CLSTN2: variants seen among roughly 807,000 people sequenced by gnomAD.
CLSTN2 encodes the protein calsyntenin-2.
CLSTN2 carries 48 observed loss-of-function variants against 101.2 expected under a neutral mutation model. The ratio of observed to expected loss-of-function variants is 0.47; its 90% confidence interval spans 0.38 to 0.60. The LOEUF (loss-of-function observed/expected upper bound fraction) is 0.60. Among genes scored for constraint, CLSTN2 ranks in the 20% least tolerant of loss-of-function variants. CLSTN2 has a pLI of 0.00. For missense variants in CLSTN2, 1,160 were observed against 1,238.2 expected (o/e 0.94, Z 0.95); for synonymous variants, 481 against 463.6 (o/e 1.04, Z -0.48).
intron 2 of CLSTN2, among the ~76,000 whole-genome samples, chr3:140,278,346 AG>A (rs2086813798): frequency 8.0e-5 from 2 of 25,108 alleles, no homozygotes; most frequent in Non-Finnish European, 2.4e-4. Context: ...ATTTTTCTCC[AG>A]GGCTCAACAC....
rs1239898447 is a variant in CLSTN2, at chr3:140,558,866, G to A, written c.2041+9G>A. On this transcript the variant is annotated intron_variant, in intron 12 of 16. Coordinates refer to ENST00000458420, the MANE Select transcript of CLSTN2 (RefSeq NM_022131.3). ...GGACGTGAAAACCACAGGTACAGGTGCATTTGAGTTTGTGGGGAGGGTGGA... is the reference window on the plus strand; with the variant it reads ...GGACGTGAAAACCACAGGTACAGGTACATTTGAGTTTGTGGGGAGGGTGGA... 3.1e-6 allele frequency: 5 copies of A among 1,611,092 alleles called. No homozygotes were observed. In the African/African-American group the frequency reaches 5.3e-5, roughly 17 times the overall value.
intron 2 of CLSTN2, 22 bp from the exon 3 acceptor site, chr3:140,403,607 A>G (rs1014331442): frequency 6.3e-7 from 1 of 1,580,512 alleles, no homozygotes; most frequent in Non-Finnish European, 8.6e-7. Flanking sequence ...ATTCCCACTC[A>G]CTGTTTTCCA....
intron 8 of CLSTN2, among the ~76,000 whole-genome samples, chr3:140,518,720 C>T (rs1429285393): frequency 6.6e-6 from 1 of 152,180 alleles, no homozygotes; most frequent in Non-Finnish European, 1.5e-5. Context: ...ATTCTCTCGG[C>T]TTTCCTGGTA....
chr3:140,476,861 G>A (rs987859630), intron 8 of CLSTN2, among the ~76,000 whole-genome samples: 3 of 151,924 alleles, frequency 2.0e-5, no homozygotes, highest in African/African-American at 7.3e-5. Flanking sequence ...GGATTTCACT[G>A]TGTTAGCCAG....
intron 5 of CLSTN2, among the ~76,000 whole-genome samples, chr3:140,427,244 T>C (rs6791069): frequency 0.41 from 52,090 of 127,000 alleles, 12,524 homozygotes; most frequent in East Asian, 0.69. Flanking sequence ...TATATATATA[T>C]ACATATATAT....
Position 140,421,017 on chromosome 3 carries a change from AGGGTCACTTTCTTCCTGTGAAGGTGGGTG to A in CLSTN2, c.638-106_638-78del, listed in dbSNP as rs61160379. ...TTGTTTTTACAAAGAGATAAGGAAA[AGGGTCACTTTCTTCCTGTGAAGGTGGGTG>A]GAGTGGAGAAGAGATTTGGGAGAAG... On this transcript the variant is annotated intron_variant, in intron 4 of 16. Transcript: ENST00000458420. The A allele has an allele frequency of 2.6e-3, 2,902 of 1,120,320 alleles. 50 individuals are homozygous for A. In the African/African-American group the frequency reaches 0.036, roughly 14 times the overall value. The allele number at this position is 1,120,320 out of a possible 1,614,324, so 69.4% of individuals were successfully genotyped here. A position where few individuals can be genotyped will look rare whatever the true frequency, so the allele number is the denominator to read the frequency against.
chr3:140,052,694 C>T (rs1478224886), intron 1 of CLSTN2, among the ~76,000 whole-genome samples: 2 of 152,162 alleles, frequency 1.3e-5, no homozygotes, highest in South Asian at 2.1e-4. Flanking sequence ...TCTTTTGAAG[C>T]GTAGCCCTTT....
chr3:139,965,473 C>T (rs1490385881), intron 1 of CLSTN2, among the ~76,000 whole-genome samples: 1 of 152,164 alleles, frequency 6.6e-6, no homozygotes, highest in East Asian at 1.9e-4. Context: ...GCCTGGGCTC[C>T]TGGGCCATGG....
At chr3:140,036,994 A>G (rs1407590902) in intron 1 of CLSTN2, among the ~76,000 whole-genome samples, 1 of 152,204 alleles carries the variant, frequency 6.6e-6, no homozygotes, top group African/African-American at 2.4e-5. Flanking sequence ...TGAGATAATT[A>G]AAGTCTGCAT....
intron 10 of CLSTN2, 110 bp downstream of exon 10, chr3:140,546,791 A>C: frequency 2.8e-6 from 3 of 1,080,696 alleles, no homozygotes; most frequent in Non-Finnish European, 3.9e-6. Flanking sequence ...TTACACAGAA[A>C]TGGCAACAAG....
At chr3:139,955,112 C>CCATATATATATATATATATATATA (rs1553785577) in intron 1 of CLSTN2, among the ~76,000 whole-genome samples, 6 of 71,544 alleles carry the variant, frequency 8.4e-5, no homozygotes, top group Non-Finnish European at 5.0e-5. Flanking sequence ...GGCAATATTG[C>CCATATATATATATATATATATATA]TATATATATA....
intron 1 of CLSTN2, among the ~76,000 whole-genome samples, chr3:139,963,689 T>G (rs1425777151): frequency 1.3e-5 from 2 of 152,176 alleles, no homozygotes; most frequent in Non-Finnish European, 2.9e-5. Flanking sequence ...ATAAGGCCTT[T>G]TTGTGGGTTG....
At position 140,171,658 on chromosome 3, in the gene CLSTN2, A is replaced by ATATTATATAATACG. The variant is rs1559797132; in HGVS notation, c.110-4284_110-4283insATACGTATTATATA. ...ATATATTATATATAATACGTATTAT[A>ATATTATATAATACG]TATTATATATAATATGTATTATATA... On this transcript the variant is annotated intron_variant, in intron 1 of 16. Coordinates refer to ENST00000458420, the MANE Select transcript of CLSTN2 (RefSeq NM_022131.3). Among the ~76,000 whole-genome samples, 12 of 20,338 alleles carry ATATTATATAATACG rather than the reference A, an allele frequency of 5.9e-4. 1 individual carries two copies. The highest frequency in any genetic ancestry group is 2.2e-3 in the Admixed American group (2 of 916). 13.3% of individuals were successfully genotyped at this position (20,338 alleles called of 152,430 possible).
chr3:140,102,398 C>T (rs1399694733), intron 1 of CLSTN2, among the ~76,000 whole-genome samples: 4 of 152,212 alleles, frequency 2.6e-5, no homozygotes, highest in African/African-American at 9.7e-5. Context: ...CAGCCAAAAG[C>T]TTGTGGTCAT....
chr3:140,328,616 A>G, intron 2 of CLSTN2, among the ~76,000 whole-genome samples: 1 of 152,120 alleles, frequency 6.6e-6, no homozygotes, highest in East Asian at 1.9e-4. Context: ...GCTCTGTTGA[A>G]ACATGAGATA....
intron 1 of CLSTN2, among the ~76,000 whole-genome samples, chr3:140,142,217 G>A (rs958595452): frequency 2.0e-5 from 3 of 152,124 alleles, no homozygotes; most frequent in South Asian, 2.1e-4. Context: ...TGCTTCCTTC[G>A]TATTGATGCT....
At chr3:140,112,947 G>A (rs2009179999) in intron 1 of CLSTN2, among the ~76,000 whole-genome samples, 1 of 152,096 alleles carries the variant, frequency 6.6e-6, no homozygotes, top group Non-Finnish European at 1.5e-5. Context: ...ACAGAAAATG[G>A]CTCATAATGT....
chr3:140,466,733 T>A lies in CLSTN2; in HGVS notation c.1344+2T>A. On this transcript the variant is annotated splice_donor_variant, in intron 8 of 16. Coordinates refer to ENST00000458420, the MANE Select transcript of CLSTN2 (RefSeq NM_022131.3). LOFTEE classifies it high-confidence loss of function. ...GAGTTCCACTGGAAGCTGGATCAGG[T>A]ATGGTGCTCACCTCACACCTGCTGC... is the stretch of plus-strand genomic sequence containing the variant. 1 of 1,613,830 alleles carries A rather than the reference T, an allele frequency of 6.2e-7. No individual in the cohort carries two copies. Among genetic ancestry groups the A allele is most frequent in the South Asian group, 1.1e-5 (1 of 91,054 alleles).
chr3:139,943,139 A>G (rs1200369212), intron 1 of CLSTN2, among the ~76,000 whole-genome samples: 1 of 152,014 alleles, frequency 6.6e-6, no homozygotes, highest in Non-Finnish European at 1.5e-5. Flanking sequence ...TCTGGGTGAA[A>G]GGTACATCAT....
Sources: allele counts gnomAD v4.1 joint callset (sites outside exome capture counted in the v4.1 genomes callset), GRCh38; gene constraint gnomAD v4.1.1; transcripts MANE v1.5; gene names NCBI Gene and HGNC (gene_info 2026-07-23, HGNC 2026-07-21).